The following SERPINB4 variants were observed in gnomAD, a reference collection of about 807,000 sequenced individuals.
SERPINB4 encodes the protein serpin B4.
Under a neutral mutation model 33.2 loss-of-function variants are expected in SERPINB4, and 39 were observed. The observed-to-expected ratio is 1.18, with a 90% CI of 0.91 to 1.53. SERPINB4 has a LOEUF of 1.53. SERPINB4 is among the 40% of genes most tolerant of loss of function. SERPINB4 has a pLI of 0.00. For synonymous variants in SERPINB4, 191 were observed against 166.4 expected (o/e 1.15, Z -1.14); for missense variants, 564 against 455.4 (o/e 1.24, Z -2.17).
rs201764023 is a variant in SERPINB4, at chr18:63,643,539, G to C, written c.39C>G (p.Phe13Leu). The change falls in exon 2 of 8, where the codon TTC (phenylalanine) becomes TTG (leucine). Residue 13 changes from phenylalanine to leucine, a missense_variant. Transcript: ENST00000341074. The stretch of plus-strand genomic sequence containing the variant: ...ATTTTCTGAACTGTTGGAACAGATC[G>C]AACATGAACTTGGTGTTGGCTTCAC... ...SLSEANTKFM[F>L]DLFQQFRKSK... is the part of the protein sequence containing the mutation. The C allele has an allele frequency of 3.7e-6, 6 of 1,613,468 alleles. No homozygotes were observed. Among genetic ancestry groups the C allele is most frequent in the Non-Finnish European group, 4.2e-6 (5 of 1,179,658 alleles).
chr18:63,641,114 G>T, intron 4 of SERPINB4, 123 bp from the exon 5 acceptor site: 5 of 752,254 alleles, frequency 6.6e-6, no homozygotes, highest in Non-Finnish European at 1.1e-5. Flanking sequence ...AGTATCTCCT[G>T]TCCATGGATA....
chr18:63,643,618 G>C lies in SERPINB4; in HGVS notation c.-26-15C>G, dbSNP rs1913216741. 1 of 1,597,870 alleles carries C rather than the reference G, an allele frequency of 6.3e-7. No homozygotes were observed. The highest frequency in any genetic ancestry group is 1.3e-5 in the African/African-American group (1 of 74,188). ...ATCTGGAACTCCTGGAAAAGCATCA[G>C]ATTCCTGTCAGAATGACTTTAATAA... On this transcript the variant is annotated splice_polypyrimidine_tract_variant and intron_variant, in intron 1 of 7. Transcript: ENST00000341074.
chr18:63,642,087 C>T (rs1568164745), intron 3 of SERPINB4, among the ~76,000 whole-genome samples, 199 bp from the exon 4 acceptor site: 1 of 152,078 alleles, frequency 6.6e-6, no homozygotes, highest in Non-Finnish European at 1.5e-5. Context: ...GAAAATTCTT[C>T]TTGCTCTAAC....
intron 3 of SERPINB4, chr18:63,642,899 T>A (rs1913182899): frequency 2.1e-6 from 1 of 471,560 alleles, no homozygotes; most frequent in African/African-American, 2.0e-5. Flanking sequence ...TCATCATTTG[T>A]GAAGAGCAAA....
intron 4 of SERPINB4, 139 bp downstream of exon 4, chr18:63,641,621 A>C: frequency 7.8e-7 from 1 of 1,277,294 alleles, no homozygotes; most frequent in South Asian, 1.2e-5. Flanking sequence ...AGAGTTGTGG[A>C]AATGGAGCTA....
intron 1 of SERPINB4, among the ~76,000 whole-genome samples, chr18:63,643,841 C>T (rs1053605824): frequency 2.6e-5 from 4 of 152,076 alleles, no homozygotes; most frequent in African/African-American, 7.2e-5. Context: ...GTAATCGACC[C>T]TCTTTATCTT....
chr18:63,643,289 A>T (rs1913198980), intron 2 of SERPINB4, 72 bp from the exon 3 acceptor site: 2 of 1,612,170 alleles, frequency 1.2e-6, no homozygotes, highest in Non-Finnish European at 1.7e-6. Context: ...TCTCACAGTT[A>T]TGGGAATTCC....
At position 63,639,175 on chromosome 18, in the gene SERPINB4, A is replaced by C; in HGVS notation, c.768+10T>G. The C allele has an allele frequency of 6.3e-7, 1 of 1,590,082 alleles. No individual in the cohort carries two copies. Among genetic ancestry groups the C allele is most frequent in the Non-Finnish European group, 8.6e-7 (1 of 1,164,634 alleles). On this transcript the variant is annotated intron_variant, in intron 7 of 7. Transcript: ENST00000341074. ...CAGTAGAAGGAAGAGTTGTAGATGC[A>C]AGTTCTTACCTTCTGCAGACCATCG...
chr18:63,642,383 C>T (rs1913164318), intron 3 of SERPINB4, among the ~76,000 whole-genome samples: 1 of 152,054 alleles, frequency 6.6e-6, no homozygotes, highest in African/African-American at 2.4e-5. Flanking sequence ...TCATTCTCTG[C>T]ACGTAAGAAG....
At chr18:63,640,253 A>G (rs1007090950) in intron 5 of SERPINB4, among the ~76,000 whole-genome samples, 3 of 151,880 alleles carry the variant, frequency 2.0e-5, no homozygotes, top group East Asian at 1.9e-4. Context: ...GTCAGACACT[A>G]CTTCCGGGGG....
At chr18:63,638,179 T>C (rs1166324890) in intron 7 of SERPINB4, 56 bp from the exon 8 acceptor site, 1 of 1,547,820 alleles carries the variant, frequency 6.5e-7, no homozygotes, top group Non-Finnish European at 8.7e-7. Context: ...CTAATACACC[T>C]TAACAATGAA....
At chr18:63,642,178 A>G (rs1039520219) in intron 3 of SERPINB4, among the ~76,000 whole-genome samples, 2 of 152,144 alleles carry the variant, frequency 1.3e-5, no homozygotes, top group African/African-American at 4.8e-5. Flanking sequence ...TTAAAGGGTT[A>G]GGTTTAGCTT....
chr18:63,643,671 T>C, intron 1 of SERPINB4, 68 bp from the exon 2 acceptor site: 2 of 1,501,448 alleles, frequency 1.3e-6, no homozygotes, highest in East Asian at 2.3e-5. Flanking sequence ...AGTACAATTT[T>C]CTTAAAGAAA....
chr18:63,643,162 T>C lies in SERPINB4; in HGVS notation c.221A>G (p.His74Arg). Reference sequence around the variant, plus strand: ...GAACCATAGTGCTCTGTGACTCACATGATATGTTGCAGCTTTTTCTGTGGT... The same window carrying C: ...GAACCATAGTGCTCTGTGACTCACACGATATGTTGCAGCTTTTTCTGTGGT... ...ENTTEKAATY[H>R]VDRSGNVHHQ... is the part of the protein sequence containing the mutation. Residue 74 changes from histidine (H) to arginine (R), a missense_variant and splice_region_variant, in exon 3 of 8, where the codon CAT (histidine) becomes CGT (arginine). By Grantham distance (29) the His-to-Arg change is conservative. Coordinates refer to ENST00000341074, the MANE Select transcript of SERPINB4 (RefSeq NM_002974.4). 6.2e-7 allele frequency: 1 copy of C among 1,613,088 alleles called. No individual in the cohort carries two copies. Among genetic ancestry groups the C allele is most frequent in the South Asian group, 1.1e-5 (1 of 91,056 alleles).
chr18:63,638,498 A>G (rs1913015088), intron 7 of SERPINB4, among the ~76,000 whole-genome samples: 1 of 152,004 alleles, frequency 6.6e-6, no homozygotes, highest in Non-Finnish European at 1.5e-5. Context: ...TCAATTTTTA[A>G]TAGGCTCATC....
At chr18:63,638,307 G>A (rs1029092375) in intron 7 of SERPINB4, among the ~76,000 whole-genome samples, 184 bp from the exon 8 acceptor site, 1 of 151,830 alleles carries the variant, frequency 6.6e-6, no homozygotes, top group Non-Finnish European at 1.5e-5. Context: ...AATACATTGG[G>A]TTATATGTGT....
chr18:63,643,964 C>T (rs1310552527), intron 1 of SERPINB4, among the ~76,000 whole-genome samples: 1 of 151,844 alleles, frequency 6.6e-6, no homozygotes, highest in Non-Finnish European at 1.5e-5. Context: ...CCTGACATCT[C>T]CTTCAAGACT....
In SERPINB4 at chr18:63,641,069, C is replaced by A. The variant is rs770192003; in HGVS notation, c.352-78G>T. On this transcript the variant is annotated intron_variant, in intron 4 of 7. Coordinates refer to ENST00000341074, the MANE Select transcript of SERPINB4 (RefSeq NM_002974.4). Reference sequence around the variant, plus strand: ...TATTACCAAACTTACTTATTTGTAACAACAGTAAGCTGAATCCAGACCCTG... The same window carrying A: ...TATTACCAAACTTACTTATTTGTAAAAACAGTAAGCTGAATCCAGACCCTG... 295 of 1,206,132 alleles carry A rather than the reference C, an allele frequency of 2.4e-4. 3 individuals are homozygous for A. The highest frequency in any genetic ancestry group is 4.6e-5 in the African/African-American group (3 of 65,844). 74.7% of individuals were successfully genotyped at this position (1,206,132 alleles called of 1,614,324 possible).
At position 63,637,771 on chromosome 18, in the gene SERPINB4, C is replaced by A; in HGVS notation, c.1121G>T (p.Arg374Met). 1 of 1,613,156 alleles carries A rather than the reference C, an allele frequency of 6.2e-7. No individual in the cohort carries two copies. Among genetic ancestry groups the A allele is most frequent in the South Asian group, 1.1e-5 (1 of 90,996 alleles). The stretch of plus-strand genomic sequence containing the variant: ...GAGGATGCTGTTGGTCTTATTTTGC[C>A]TTATGAAGAATAGGAAAGGGTGATT... ...CCNHPFLFFI[R>M]QNKTNSILFY... Residue 374 changes from arginine to methionine, a missense_variant, in exon 8 of 8, where the codon AGG becomes ATG. By Grantham distance (91) the Arg-to-Met change is moderately conservative. Coordinates refer to ENST00000341074, the MANE Select transcript of SERPINB4 (RefSeq NM_002974.4).
Sources: allele counts gnomAD v4.1 joint callset (sites outside exome capture counted in the v4.1 genomes callset), GRCh38; gene constraint gnomAD v4.1.1; transcripts MANE v1.5; gene names NCBI Gene and HGNC (gene_info 2026-07-23, HGNC 2026-07-21).